MAGED1: variants seen among roughly 807,000 people sequenced by gnomAD.
The protein encoded by MAGED1 is MAGE family member D1.
A neutral mutation model predicts 54.1 loss-of-function variants in MAGED1; 3 were observed. That is an observed-to-expected ratio of 0.06 (90% confidence interval 0.03 to 0.14). The LOEUF is 0.14. Ranked by LOEUF, MAGED1 falls within the 10% of genes least tolerant of loss-of-function variation. The probability of loss-of-function intolerance (pLI) is 1.00; values close to 1 mark genes in which losing one functional copy is unlikely to be tolerated. For synonymous variants in MAGED1, 217 were observed against 227.3 expected, an observed-to-expected ratio of 0.95 and a Z score of 0.41; for missense variants, 485 against 623.4, an observed-to-expected ratio of 0.78 and a Z score of 2.36.
intron 1 of MAGED1, chrX:51,857,142 C>T (rs1927114608): frequency 9.0e-6 from 1 of 111,620 alleles, no homozygotes; most frequent in South Asian, 3.8e-4. Flanking sequence ...TGATGCCAGT[C>T]TTACTTACCA....
chrX:51,808,457 C>T (rs1925104123), intron 1 of MAGED1, among the ~76,000 whole-genome samples: 1 of 111,648 alleles, frequency 9.0e-6, no homozygotes, highest in Non-Finnish European at 1.9e-5. Flanking sequence ...CCCTGTAATC[C>T]CAGCACTTTG....
chrX:51,898,750 C>A, intron 10 of MAGED1, 107 bp downstream of exon 10: 1 of 757,469 alleles, frequency 1.3e-6, no homozygotes, highest in Non-Finnish European at 1.9e-6. Flanking sequence ...TGCCTGTAAT[C>A]CCAGTACTTT....
intron 1 of MAGED1, among the ~76,000 whole-genome samples, chrX:51,805,155 T>A: frequency 8.9e-6 from 1 of 112,218 alleles, no homozygotes; most frequent in Non-Finnish European, 1.9e-5. Flanking sequence ...TTGTGTGCTA[T>A]CCTACAGGAT....
At chrX:51,874,032 T>A (rs1256982648) in intron 1 of MAGED1, among the ~76,000 whole-genome samples, 1 of 111,201 alleles carries the variant, frequency 9.0e-6, no homozygotes, top group Non-Finnish European at 1.9e-5. Flanking sequence ...GAAAAGGAGA[T>A]GTTGGTAGGA....
At chrX:51,849,217 T>C (rs1229636158) in intron 1 of MAGED1, among the ~76,000 whole-genome samples, 2 of 111,496 alleles carry the variant, frequency 1.8e-5, no homozygotes, top group Non-Finnish European at 3.8e-5. Flanking sequence ...ATCTCAGTCG[T>C]ATACCAATTT....
At chrX:51,828,320 A>G (rs1334795150) in intron 1 of MAGED1, among the ~76,000 whole-genome samples, 3 of 111,948 alleles carry the variant, frequency 2.7e-5, no homozygotes, top group Admixed American at 9.5e-5. Context: ...CTTATATGCT[A>G]CAGTCATTTC....
chrX:51,823,717 C>G (rs1925728447), intron 1 of MAGED1, among the ~76,000 whole-genome samples: 1 of 111,730 alleles, frequency 9.0e-6, no homozygotes. Flanking sequence ...TCTTACATTA[C>G]TGCTTTCATT....
At chrX:51,887,224 C>T (rs1928273332) in intron 1 of MAGED1, among the ~76,000 whole-genome samples, 1 of 111,433 alleles carries the variant, frequency 9.0e-6, no homozygotes, top group African/African-American at 3.3e-5. Flanking sequence ...TCGTCACATT[C>T]ATGGATTGTA....
At chrX:51,821,810 T>C (rs1925647487) in intron 1 of MAGED1, among the ~76,000 whole-genome samples, 1 of 112,074 alleles carries the variant, frequency 8.9e-6, no homozygotes, top group African/African-American at 3.2e-5. Context: ...TTATCGGGCT[T>C]AATCAAAGGC....
chrX:51,826,274 A>G (rs144114688), intron 1 of MAGED1, among the ~76,000 whole-genome samples: 306 of 112,195 alleles, frequency 2.7e-3, no homozygotes, highest in Non-Finnish European at 4.5e-3. Flanking sequence ...CAGAATTCCC[A>G]TAAGTTTGGT....
intron 1 of MAGED1, among the ~76,000 whole-genome samples, chrX:51,864,531 A>C (rs1557360967): frequency 2.7e-5 from 3 of 111,687 alleles, no homozygotes. Context: ...TTGAATCTGC[A>C]GATTGCTTTA....
chrX:51,876,514 T>G (rs570150665), intron 1 of MAGED1, among the ~76,000 whole-genome samples: 1 of 111,438 alleles, frequency 9.0e-6, no homozygotes, highest in Admixed American at 9.5e-5. Flanking sequence ...TCACATGGCT[T>G]TGGTGAGGGA....
intron 1 of MAGED1, among the ~76,000 whole-genome samples, chrX:51,808,400 A>T (rs933968113): frequency 8.9e-6 from 1 of 112,368 alleles, no homozygotes; most frequent in Non-Finnish European, 1.9e-5. Context: ...ATTTTCAAAT[A>T]TATTCAAAGT....
At chrX:51,862,919 A>G (rs782230929) in intron 1 of MAGED1, among the ~76,000 whole-genome samples, 1 of 112,026 alleles carries the variant, frequency 8.9e-6, no homozygotes, top group South Asian at 3.7e-4. Flanking sequence ...TTGGGAAATG[A>G]TTTCTACAGT....
At chrX:51,858,231 A>G (rs1219489596) in intron 1 of MAGED1, among the ~76,000 whole-genome samples, 1 of 112,184 alleles carries the variant, frequency 8.9e-6, no homozygotes, top group Non-Finnish European at 1.9e-5. Context: ...AACTTCCCCA[A>G]GATCACATAC....
At chrX:51,829,317 ATG>A (rs199532389) in intron 1 of MAGED1, among the ~76,000 whole-genome samples, 12 of 107,524 alleles carry the variant, frequency 1.1e-4, no homozygotes, top group East Asian at 8.8e-4. Context: ...GTGTTTGTGT[ATG>A]TGTGTGTGTG....
chrX:51,874,420 G>A lies in MAGED1; in HGVS notation c.-36-19849G>A, dbSNP rs1004725996. On this transcript the variant is annotated intron_variant, in intron 1 of 12. Transcript: ENST00000375772. ...TTGATTGGTTGAAGGATCTGTGGAT[G>A]GGATGGGGTAAAAGTGTTTCCAGAA... is the stretch of plus-strand genomic sequence containing the variant. Among the ~76,000 whole-genome samples the A allele has an allele frequency of 5.7e-4, 63 of 111,303 alleles. No homozygotes were observed. The Admixed American group carries it at 5.9e-3, about 10-fold the overall frequency.
At position 51,901,481 on chromosome X, in the gene MAGED1, G is replaced by A. The variant is rs1456206882; in HGVS notation, c.1960-72G>A. On this transcript the variant is annotated intron_variant, in intron 11 of 12. Transcript: ENST00000326587. ...TGTCCTTATCCATTCATCCACTGAT[G>A]GACAGGTAGGTTGATTCCATATCTT... The A allele has an allele frequency of 2.1e-5, 20 of 963,712 alleles. No homozygotes were observed. In the African/African-American group the frequency reaches 3.1e-4, roughly 15 times the overall value. 79.4% of individuals were successfully genotyped at this position (963,712 alleles called of 1,213,427 possible).
intron 1 of MAGED1, among the ~76,000 whole-genome samples, chrX:51,826,520 T>TA (rs1235307284): frequency 2.2e-4 from 24 of 109,978 alleles, no homozygotes; most frequent in African/African-American, 6.3e-4. Context: ...TATGCTTATG[T>TA]AAAAAAAAAT....
Sources: allele counts gnomAD v4.1 joint callset (sites outside exome capture counted in the v4.1 genomes callset), GRCh38; gene constraint gnomAD v4.1.1; transcripts MANE v1.5; gene names NCBI Gene and HGNC (gene_info 2026-07-23, HGNC 2026-07-21).